The following SETBP1 variants were observed in gnomAD, a reference collection of about 807,000 sequenced individuals.
The protein encoded by SETBP1 is SET binding protein 1.
Under a neutral mutation model 101.0 loss-of-function variants are expected in SETBP1, and 9 were observed. The observed-to-expected ratio is 0.09, with a 90% CI of 0.05 to 0.16. SETBP1 has a LOEUF of 0.16. SETBP1 is among the 10% of genes least tolerant of loss of function. The pLI is 1.00. For missense variants in SETBP1, 1,858 were observed against 2,033.8 expected, an observed-to-expected ratio of 0.91 and a Z score of 1.66; for synonymous variants, 818 against 788.5, an observed-to-expected ratio of 1.04 and a Z score of -0.63.
chr18:44,882,978 G>T (rs2069565094), intron 3 of SETBP1, among the ~76,000 whole-genome samples: 1 of 152,180 alleles, frequency 6.6e-6, no homozygotes, highest in Non-Finnish European at 1.5e-5. Flanking sequence ...ACTGGGGACA[G>T]GAAAGACTCT....
intron 2 of SETBP1, among the ~76,000 whole-genome samples, chr18:44,834,953 G>GA (rs2072465386): frequency 6.6e-6 from 1 of 152,186 alleles, no homozygotes; most frequent in African/African-American, 2.4e-5. Flanking sequence ...AGAGGAAAGA[G>GA]GAAAGGGTAT....
At chr18:44,965,232 A>G (rs995679465) in intron 4 of SETBP1, among the ~76,000 whole-genome samples, 5 of 151,844 alleles carry the variant, frequency 3.3e-5, no homozygotes, top group African/African-American at 1.2e-4. Flanking sequence ...TTTTACAATT[A>G]CCACTCTCAC....
intron 2 of SETBP1, among the ~76,000 whole-genome samples, chr18:44,706,267 A>G (rs976978228): frequency 1.3e-5 from 2 of 152,078 alleles, no homozygotes; most frequent in Non-Finnish European, 2.9e-5. Flanking sequence ...AACAACAGAG[A>G]CCATGAAGAT....
intron 5 of SETBP1, among the ~76,000 whole-genome samples, chr18:45,058,602 T>C (rs2073845190): frequency 6.6e-6 from 1 of 152,228 alleles, no homozygotes; most frequent in African/African-American, 2.4e-5. Context: ...CAGCTTCTTC[T>C]ACACGGAATC....
intron 4 of SETBP1, among the ~76,000 whole-genome samples, chr18:44,996,161 C>G (rs2072493742): frequency 6.6e-6 from 1 of 152,166 alleles, no homozygotes; most frequent in Non-Finnish European, 1.5e-5. Flanking sequence ...CTTCTTCTCT[C>G]TCAAAAAGTA....
At chr18:44,797,156 G>C (rs1041117688) in intron 2 of SETBP1, among the ~76,000 whole-genome samples, 3 of 152,206 alleles carry the variant, frequency 2.0e-5, no homozygotes, top group Non-Finnish European at 2.9e-5. Context: ...AATGTAAAGA[G>C]AGAACTGTTC....
chr18:44,863,287 T>C (rs2144648368), intron 2 of SETBP1, among the ~76,000 whole-genome samples: 2 of 152,314 alleles, frequency 1.3e-5, no homozygotes, highest in Middle Eastern at 6.8e-3. Flanking sequence ...TATGGCTGGA[T>C]ATTAGAAACT....
At chr18:45,030,502 G>C (rs1038627981) in intron 4 of SETBP1, among the ~76,000 whole-genome samples, 2 of 139,268 alleles carry the variant, frequency 1.4e-5, no homozygotes, top group Admixed American at 7.3e-5. Context: ...CCAGGCTTTG[G>C]TATCAGGATG....
chr18:44,694,554 T>C (rs1333886328), intron 1 of SETBP1, among the ~76,000 whole-genome samples: 1 of 152,014 alleles, frequency 6.6e-6, no homozygotes, highest in Non-Finnish European at 1.5e-5. Context: ...GAATGTGGAG[T>C]TGGGGAGAGA....
At chr18:44,999,295 GA>G (rs944038067) in intron 4 of SETBP1, among the ~76,000 whole-genome samples, 2 of 151,676 alleles carry the variant, frequency 1.3e-5, no homozygotes, top group African/African-American at 2.4e-5. Context: ...CCCAGGATGC[GA>G]AAAAAAAGTT....
intron 5 of SETBP1, among the ~76,000 whole-genome samples, chr18:45,053,125 TG>T (rs967130144): frequency 6.6e-6 from 1 of 151,248 alleles, no homozygotes; most frequent in Admixed American, 6.6e-5. Flanking sequence ...AGAATGTTGT[TG>T]GGGGAAAAAA....
chr18:45,005,929 A>G (rs1384679561), intron 4 of SETBP1, among the ~76,000 whole-genome samples: 1 of 132,830 alleles, frequency 7.5e-6, no homozygotes. Flanking sequence ...TACAGGTGTG[A>G]GCCACTGCAC....
chr18:44,825,909 A>G (rs529039027), intron 2 of SETBP1, among the ~76,000 whole-genome samples: 1 of 152,202 alleles, frequency 6.6e-6, no homozygotes, highest in African/African-American at 2.4e-5. Context: ...TAACTGTGTG[A>G]TACAGGATAA....
intron 3 of SETBP1, among the ~76,000 whole-genome samples, chr18:44,899,156 C>G (rs2069977404): frequency 6.6e-6 from 1 of 152,138 alleles, no homozygotes; most frequent in Non-Finnish European, 1.5e-5. Context: ...CAATGTCTTT[C>G]TATGCTTTTG....
intron 2 of SETBP1, among the ~76,000 whole-genome samples, chr18:44,807,454 T>C (rs1427341602): frequency 6.6e-6 from 1 of 152,188 alleles, no homozygotes. Context: ...TTTCCATTCA[T>C]ATTTGGTGCT....
chr18:44,735,195 G>T (rs2069936838), intron 2 of SETBP1, among the ~76,000 whole-genome samples: 1 of 152,242 alleles, frequency 6.6e-6, no homozygotes, highest in African/African-American at 2.4e-5. Flanking sequence ...TGTGCTTGAA[G>T]ATTCATCTGT....
At chr18:44,811,734 G>A (rs556452022) in intron 2 of SETBP1, among the ~76,000 whole-genome samples, 10 of 152,292 alleles carry the variant, frequency 6.6e-5, no homozygotes, top group African/African-American at 2.4e-4. Flanking sequence ...GAGGAGTTAA[G>A]CAACACAGCT....
At chr18:44,729,828 G>T (rs920141385) in intron 2 of SETBP1, among the ~76,000 whole-genome samples, 3 of 152,218 alleles carry the variant, frequency 2.0e-5, no homozygotes, top group Non-Finnish European at 4.4e-5. Flanking sequence ...GAGTGGTCTG[G>T]CTAGAGCAGG....
intron 3 of SETBP1, among the ~76,000 whole-genome samples, chr18:44,876,331 C>G (rs1319566194): frequency 1.3e-5 from 2 of 152,184 alleles, no homozygotes; most frequent in Non-Finnish European, 1.5e-5. Context: ...GCTGCTGCTT[C>G]CTTACACCCT....
Sources: allele counts gnomAD v4.1 joint callset (sites outside exome capture counted in the v4.1 genomes callset), GRCh38; gene constraint gnomAD v4.1.1; transcripts MANE v1.5; gene names NCBI Gene and HGNC (gene_info 2026-07-23, HGNC 2026-07-21).